KIF1C: variants seen among roughly 807,000 people sequenced by gnomAD.
KIF1C encodes the protein kinesin-like protein KIF1C.
In KIF1C, 61 loss-of-function variants were observed where a neutral mutation model predicts 126.5. That is an observed-to-expected ratio of 0.48 (90% CI 0.39 to 0.60). The LOEUF is 0.60. KIF1C is among the 20% of genes least tolerant of loss of function. KIF1C has a pLI of 0.00. For missense variants in KIF1C, 1,315 were observed against 1,489.2 expected (o/e 0.88, Z 1.93); for synonymous variants, 640 against 580.6 (o/e 1.10, Z -1.47).
intron 8 of KIF1C, 102 bp downstream of exon 8, chr17:5,002,944 G>A: frequency 2.2e-6 from 2 of 905,032 alleles, no homozygotes; most frequent in South Asian, 1.5e-5. Flanking sequence ...TGCCCATGCT[G>A]GGTTGAGTGC....
chr17:5,014,799 ACT>A lies in KIF1C; in HGVS notation c.1629_1630del (p.His543GlnfsTer21), dbSNP rs1163853762. On this transcript the variant is annotated frameshift_variant, in exon 18 of 23. Transcript: ENST00000320785. LOFTEE classifies it high-confidence loss of function. ...ACCGGACAGTTCATTCGGGAGCAACACTGTCTGTTCCGGAGCATCCCCCAGCC... is the reference window on the plus strand; with the variant it reads ...ACCGGACAGTTCATTCGGGAGCAACAGTCTGTTCCGGAGCATCCCCCAGCC... 1 of 1,602,030 alleles carries A rather than the reference ACT, an allele frequency of 6.2e-7. No homozygotes were observed. The highest frequency in any genetic ancestry group is 8.5e-7 in the Non-Finnish European group (1 of 1,174,766).
intron 5 of KIF1C, 65 bp downstream of exon 5, chr17:5,001,466 A>G: frequency 6.7e-7 from 1 of 1,489,010 alleles, no homozygotes; most frequent in South Asian, 1.2e-5. Flanking sequence ...TGAGGAAGGA[A>G]GGACTAGGGT....
chr17:5,000,386 G>A (rs773393436), intron 3 of KIF1C, 34 bp downstream of exon 3: 3 of 1,422,302 alleles, frequency 2.1e-6, no homozygotes, highest in South Asian at 1.2e-5. Context: ...CTGGGCACAG[G>A]CAGGGAAGGC....
At chr17:5,003,298 C>G (rs1974647938) in intron 8 of KIF1C, among the ~76,000 whole-genome samples, 1 of 152,146 alleles carries the variant, frequency 6.6e-6, no homozygotes, top group Admixed American at 6.6e-5. Context: ...CCAGCCGCCT[C>G]AGCCTCCCAA....
Position 5,002,805 on chromosome 17 carries a change from G to A in KIF1C, c.683G>A (p.Arg228His), listed in dbSNP as rs142513387. 146 of 1,613,618 alleles carry A rather than the reference G, an allele frequency of 9.0e-5. No homozygotes were observed. Among genetic ancestry groups the A allele is most frequent in the African/African-American group, 5.1e-4 (38 of 74,804 alleles). The change falls in exon 8 of 23, where the codon CGC (arginine) becomes CAC (histidine). Residue 228 changes from arginine to histidine, a missense_variant. Physicochemically the swap from Arg to His is conservative, Grantham distance 29 (BLOSUM62 0). Coordinates refer to ENST00000320785, the MANE Select transcript of KIF1C (RefSeq NM_006612.6). ...HAVFTIVFTQ[R>H]CHDQLTGLDS... is the part of the protein sequence containing the mutation. ...GTCTTTACCATCGTCTTCACACAGC[G>A]CTGCCATGACCAGCTCACGGGGCTG...
rs375055767 is a variant in KIF1C, at chr17:5,013,605, T to A, written c.1492-48T>A. On this transcript the variant is annotated intron_variant, in intron 16 of 22. Coordinates refer to ENST00000320785, the MANE Select transcript of KIF1C (RefSeq NM_006612.6). Reference sequence around the variant, plus strand: ...CCACCGCTCCCTTTCTTCCTTTCTATAGCACCCCTGGCTGGCTCCCCCTGA... The same window carrying A: ...CCACCGCTCCCTTTCTTCCTTTCTAAAGCACCCCTGGCTGGCTCCCCCTGA... The A allele has an allele frequency of 5.4e-5, 75 of 1,390,884 alleles. No homozygotes were observed. The African/African-American group carries it at 9.7e-4, about 18-fold the overall frequency. The allele number at this position is 1,390,884 out of a possible 1,614,324, so 86.2% of individuals were successfully genotyped here.
intron 16 of KIF1C, among the ~76,000 whole-genome samples, chr17:5,010,603 C>T (rs1053943257): frequency 2.0e-5 from 3 of 151,504 alleles, no homozygotes; most frequent in Admixed American, 6.6e-5. Context: ...AAAAATTAGC[C>T]GGGCGTGGTG....
At position 5,000,220 on chromosome 17, in the gene KIF1C, C is replaced by G. The variant is rs778505135; in HGVS notation, c.-27C>G. On this transcript the variant is annotated splice_region_variant and 5_prime_UTR_variant, in exon 3 of 23. Coordinates refer to ENST00000320785, the MANE Select transcript of KIF1C (RefSeq NM_006612.6). ...CACCACTCCTTTCTCTGTCCTCCAG[C>G]TGAGGAGGGCAGGAGTGTCTGGAGC... 4.7e-6 allele frequency: 7 copies of G among 1,503,724 alleles called. No individual in the cohort carries two copies. Among genetic ancestry groups the G allele is most frequent in the Non-Finnish European group, 5.4e-6 (6 of 1,102,230 alleles). The allele number at this position is 1,503,724 out of a possible 1,614,324, so 93.1% of individuals were successfully genotyped here.
At position 5,020,739 on chromosome 17, in the gene KIF1C, G is replaced by A. The variant is rs1406514222; in HGVS notation, c.1937+61G>A. ...TAGGCCGTCCCTCCCGGGCCTCTGGGCCCGTGTCCTCCTCTTGTCAGATAC... is the reference window on the plus strand; with the variant it reads ...TAGGCCGTCCCTCCCGGGCCTCTGGACCCGTGTCCTCCTCTTGTCAGATAC... On this transcript the variant is annotated intron_variant, in intron 20 of 22. Coordinates refer to ENST00000320785, the MANE Select transcript of KIF1C (RefSeq NM_006612.6). This position sits in a 1 kb window ranked among gnomAD's most constrained non-coding sequence, Gnocchi z 5.8. 6.2e-7 allele frequency: 1 copy of A among 1,607,532 alleles called. No homozygotes were observed. Among genetic ancestry groups the A allele is most frequent in the African/African-American group, 1.3e-5 (1 of 74,794 alleles).
rs1198164297 is a variant in KIF1C, at chr17:5,022,261, A to C, written c.2180A>C (p.Gln727Pro). Residue 727 changes from glutamine to proline, a missense_variant, in exon 22 of 23, where the codon CAG (glutamine) becomes CCG (proline). Gln to Pro is a moderately conservative substitution (Grantham distance 76). Coordinates refer to ENST00000320785, the MANE Select transcript of KIF1C (RefSeq NM_006612.6). The surrounding 1 kb of genome is among the most constrained non-coding windows in gnomAD (Gnocchi z 4.9). ...CGCAGGGCCCCTCGCAGGGTTTATC[A>C]GATCCCCCAGCGACGCAGGCTGCAG... ...GKRRAPRRVYQIPQRRRLQGK... is the reference protein window; with the variant it reads ...GKRRAPRRVYPIPQRRRLQGK... 6.2e-7 allele frequency: 1 copy of C among 1,614,130 alleles called. No homozygotes were observed. Among genetic ancestry groups the C allele is most frequent in the East Asian group, 2.2e-5 (1 of 44,872 alleles).
intron 1 of KIF1C, among the ~76,000 whole-genome samples, chr17:4,998,543 C>T (rs1239018457): frequency 6.6e-6 from 1 of 152,236 alleles, no homozygotes; most frequent in Admixed American, 6.5e-5. Context: ...CCGCTGGCCC[C>T]CAGCCGTGCC....
At position 5,022,529 on chromosome 17, in the gene KIF1C, CAGT is replaced by C. The variant is rs1029723148; in HGVS notation, c.2449_2451del (p.Ser817del). On this transcript the variant is annotated inframe_deletion, in exon 22 of 23. Transcript: ENST00000320785. The surrounding 1 kb of genome is among the most constrained non-coding windows in gnomAD (Gnocchi z 4.9). Reference sequence around the variant, plus strand: ...GCGAGGAGGAAGGAGGTGGAGCTGGCAGTGGTGGTGGCAGTGAGGAGGGAGCCC... The same window carrying C: ...GCGAGGAGGAAGGAGGTGGAGCTGGCGGTGGTGGCAGTGAGGAGGGAGCCC... 14 of 1,587,688 alleles carry C rather than the reference CAGT, an allele frequency of 8.8e-6. No individual in the cohort carries two copies. The highest frequency in any genetic ancestry group is 2.3e-5 in the East Asian group (1 of 43,748).
rs970024976 is a variant in KIF1C at position 5,000,288 on chromosome 17, C to G, written c.42C>G (p.Pro14=). Residue 14 remains proline, a synonymous_variant, in exon 3 of 23, where the codon CCC becomes CCG. Transcript: ENST00000320785. ...TGAAAGTGGCAGTGAGGGTTCGGCC[C>G]TTTAACGCCCGTGAGACCAGCCAGG... ...ASVKVAVRVR[P]FNARETSQDA... 1 of 1,588,970 alleles carries G rather than the reference C, an allele frequency of 6.3e-7. No homozygotes were observed. Among genetic ancestry groups the G allele is most frequent in the African/African-American group, 1.3e-5 (1 of 74,268 alleles).
chr17:5,024,026 C>T lies in KIF1C; in HGVS notation c.3187C>T (p.Gln1063Ter). 1 of 1,595,554 alleles carries T rather than the reference C, an allele frequency of 6.3e-7. No individual in the cohort carries two copies. The highest frequency in any genetic ancestry group is 2.3e-5 in the East Asian group (1 of 43,800). Residue 1063 changes from glutamine to a stop codon, truncating the protein, a stop_gained, in exon 23 of 23, where the codon CAG (glutamine) becomes TAG (stop). Coordinates refer to ENST00000320785, the MANE Select transcript of KIF1C (RefSeq NM_006612.6). LOFTEE classifies it high-confidence loss of function. ...GCCCAAAAAGCACAACTCTTATCCC[C>T]AGCCACCCCAACCCTACCCAGCCCA... ...FQPKKHNSYP[Q>*]PPQPYPAQRP...
chr17:5,002,712 C>G lies in KIF1C; in HGVS notation c.609-19C>G, dbSNP rs571473223. On this transcript the variant is annotated intron_variant, in intron 7 of 22. Transcript: ENST00000320785. Reference sequence around the variant, plus strand: ...GAAGGTGAGAGGCAGGATCCAGTGACTGCTTTCTTTACCCTAAGGACTGTG... The same window carrying G: ...GAAGGTGAGAGGCAGGATCCAGTGAGTGCTTTCTTTACCCTAAGGACTGTG... The G allele has an allele frequency of 1.2e-6, 2 of 1,613,714 alleles. No homozygotes were observed. The highest frequency in any genetic ancestry group is 2.2e-5 in the East Asian group (1 of 44,874).
intron 16 of KIF1C, chr17:5,012,003 A>G (rs2143348070): frequency 6.6e-6 from 1 of 152,354 alleles, no homozygotes; most frequent in Middle Eastern, 3.4e-3. Flanking sequence ...CCCAGAACAC[A>G]GTGGCACTCA....
intron 16 of KIF1C, chr17:5,011,989 C>T (rs1403120407): frequency 6.6e-6 from 1 of 152,182 alleles, no homozygotes; most frequent in East Asian, 1.9e-4. Flanking sequence ...GCATGTGAGT[C>T]CCTCCCAGAA....
Position 5,002,102 on chromosome 17 carries a change from CTCAGCTATCCTACTCTG to C in KIF1C, c.409_425del (p.Gln137GlyfsTer10). On this transcript the variant is annotated frameshift_variant, in exon 6 of 23. Transcript: ENST00000320785. LOFTEE classifies it high-confidence loss of function. ...TCTCGCGTTAGTGAGAACCAGAGTG[CTCAGCTATCCTACTCTG>C]TGGAGGTAAGCCCGGGTCTTGGTGG... The C allele has an allele frequency of 6.2e-7, 1 of 1,614,100 alleles. No individual in the cohort carries two copies.
chr17:5,007,987 T>C (rs1420540431), intron 16 of KIF1C, among the ~76,000 whole-genome samples: 1 of 152,200 alleles, frequency 6.6e-6, no homozygotes, highest in East Asian at 1.9e-4. Flanking sequence ...GGCACCCGTG[T>C]AGCTTGGAGC....
Sources: gnomAD v4.1 joint callset for allele counts (sites outside exome capture counted in the v4.1 genomes callset) on GRCh38, gnomAD v4.1.1 for gene constraint, Gnocchi (gnomAD v3.1) non-coding constraint, MANE v1.5 for transcripts, NCBI Gene and HGNC (gene_info 2026-07-23, HGNC 2026-07-21) for gene names.